The following NOL4 variants were observed in gnomAD, a reference collection of about 807,000 sequenced individuals.
NOL4 encodes the protein nucleolar protein 4.
In NOL4, 17 loss-of-function variants were observed where a neutral mutation model predicts 75.9. The ratio of observed to expected loss-of-function variants is 0.22; its 90% CI spans 0.15 to 0.34. NOL4 has a LOEUF of 0.34. Ranked by LOEUF, NOL4 falls within the 10% of genes least tolerant of loss-of-function variation. The probability of loss-of-function intolerance (pLI) is 1.00; values close to 1 mark genes in which losing one functional copy is unlikely to be tolerated. For synonymous variants in NOL4, 292 were observed against 289.9 expected, an observed-to-expected ratio of 1.01 and a Z score of -0.07; for missense variants, 614 against 793.5, an observed-to-expected ratio of 0.77 and a Z score of 2.72.
intron 6 of NOL4, among the ~76,000 whole-genome samples, chr18:33,959,387 G>C (rs1489416842): frequency 6.6e-6 from 1 of 151,924 alleles, no homozygotes; most frequent in Admixed American, 6.6e-5. Context: ...GGACCCTCTA[G>C]GATTATTCCA....
chr18:34,219,588 A>G (rs1036078142), intron 1 of NOL4, among the ~76,000 whole-genome samples: 4 of 152,264 alleles, frequency 2.6e-5, no homozygotes, highest in Non-Finnish European at 5.9e-5. Flanking sequence ...AAACAGAGTT[A>G]CCATAGTTAA....
At chr18:34,201,326 A>T (rs1251378588) in intron 1 of NOL4, among the ~76,000 whole-genome samples, 1 of 151,820 alleles carries the variant, frequency 6.6e-6, no homozygotes, top group Non-Finnish European at 1.5e-5. Context: ...AGATAATCTG[A>T]GGCACAGAGA....
In NOL4 at chr18:34,109,291, A is replaced by T. The variant is rs74935175; in HGVS notation, c.415-4131T>A. On this transcript the variant is annotated intron_variant, in intron 2 of 10. Coordinates refer to ENST00000261592, the MANE Select transcript of NOL4 (RefSeq NM_003787.5). ...CTTGGGTAGCTGAAAAGGAAGGATC[A>T]TTTGAGGCTAGGAGTTTGAAACAAG... 3.6e-4 allele frequency among the ~76,000 whole-genome samples: 55 copies of T among 152,234 alleles called. No homozygotes were observed. The East Asian group carries it at 0.01, about 28-fold the overall frequency.
chr18:34,114,926 TCA>T (rs2079779195), intron 2 of NOL4, among the ~76,000 whole-genome samples: 1 of 152,082 alleles, frequency 6.6e-6, no homozygotes, highest in African/African-American at 2.4e-5. Flanking sequence ...ACAGAAAAAT[TCA>T]GTGTTTGTTA....
At chr18:33,913,706 A>G (rs1183342954) in intron 9 of NOL4, among the ~76,000 whole-genome samples, 1 of 152,118 alleles carries the variant, frequency 6.6e-6, no homozygotes, top group African/African-American at 2.4e-5. Flanking sequence ...CTGAAATCTA[A>G]ACCTGTGAAC....
At chr18:34,095,980 G>GTA in intron 4 of NOL4, among the ~76,000 whole-genome samples, 1 of 152,004 alleles carries the variant, frequency 6.6e-6, no homozygotes, top group Middle Eastern at 3.4e-3. Context: ...GTATGTGTGT[G>GTA]TGTATTTATG....
At chr18:34,042,893 C>A (rs1355049311) in intron 5 of NOL4, among the ~76,000 whole-genome samples, 2 of 152,070 alleles carry the variant, frequency 1.3e-5, no homozygotes, top group African/African-American at 4.8e-5. Flanking sequence ...GAGGTTAAGA[C>A]CATGAGCTTG....
intron 4 of NOL4, among the ~76,000 whole-genome samples, chr18:34,100,781 T>TTG (rs1293243532): frequency 6.6e-6 from 1 of 152,180 alleles, no homozygotes; most frequent in Non-Finnish European, 1.5e-5. Flanking sequence ...CCGATGATGC[T>TTG]TGGCCTTATG....
At chr18:34,094,009 T>C (rs2078649637) in intron 4 of NOL4, among the ~76,000 whole-genome samples, 1 of 152,012 alleles carries the variant, frequency 6.6e-6, no homozygotes, top group Admixed American at 6.6e-5. Flanking sequence ...GCCACTGCAC[T>C]CCAGCCTGGG....
chr18:34,113,210 C>T (rs1165863648), intron 2 of NOL4, among the ~76,000 whole-genome samples: 3 of 152,132 alleles, frequency 2.0e-5, no homozygotes, highest in African/African-American at 7.2e-5. Context: ...GAACTCCTAG[C>T]CTCCAGCAAT....
intron 5 of NOL4, among the ~76,000 whole-genome samples, chr18:34,048,965 A>T (rs1331493052): frequency 6.6e-6 from 1 of 152,040 alleles, no homozygotes; most frequent in East Asian, 1.9e-4. Flanking sequence ...TAGATTTTTT[A>T]AAATGATTAC....
chr18:34,175,259 C>A (rs866659965), intron 1 of NOL4, among the ~76,000 whole-genome samples: 1 of 152,132 alleles, frequency 6.6e-6, no homozygotes, highest in African/African-American at 2.4e-5. Flanking sequence ...GAAGACCCCA[C>A]TTAACAGGCT....
chr18:34,119,377 G>T (rs1285150515), intron 2 of NOL4, among the ~76,000 whole-genome samples: 1 of 152,144 alleles, frequency 6.6e-6, no homozygotes, highest in Non-Finnish European at 1.5e-5. Flanking sequence ...CTCCCTGGTG[G>T]AGGATTCTTA....
chr18:33,874,808 C>T (rs1168053393), intron 10 of NOL4, among the ~76,000 whole-genome samples: 1 of 151,988 alleles, frequency 6.6e-6, no homozygotes, highest in African/African-American at 2.4e-5. Context: ...CACACACAGC[C>T]AGTCACACCA....
At chr18:34,089,695 C>T (rs2078414989) in intron 5 of NOL4, among the ~76,000 whole-genome samples, 2 of 152,124 alleles carry the variant, frequency 1.3e-5, no homozygotes, top group Non-Finnish European at 2.9e-5. Context: ...GTAATTTTGT[C>T]CCACAAGGGA....
intron 1 of NOL4, among the ~76,000 whole-genome samples, chr18:34,189,125 G>A (rs183033603): frequency 6.6e-6 from 1 of 152,196 alleles, no homozygotes. Context: ...GAAAGTCCAA[G>A]ATCAGGTGGC....
At chr18:33,995,595 G>A (rs1197534232) in intron 6 of NOL4, among the ~76,000 whole-genome samples, 1 of 151,564 alleles carries the variant, frequency 6.6e-6, no homozygotes, top group African/African-American at 2.4e-5. Flanking sequence ...GAATCTCAGA[G>A]AAACGTCTAC....
intron 1 of NOL4, among the ~76,000 whole-genome samples, chr18:34,155,709 T>G (rs996250175): frequency 1.1e-4 from 17 of 152,100 alleles, no homozygotes; most frequent in African/African-American, 3.9e-4. Context: ...ACCATCATCA[T>G]ATACACTACT....
At position 34,196,963 on chromosome 18, in the gene NOL4, G is replaced by T. The variant is rs143435060; in HGVS notation, c.264+26027C>A. Among the ~76,000 whole-genome samples the T allele has an allele frequency of 6.7e-3, 1,014 of 152,030 alleles. 19 individuals are homozygous for T. The highest frequency in any genetic ancestry group is 0.023 in the African/African-American group (955 of 41,512). ...TTCCTGTTGATTTTGCCATCTCTTTGATATCAAACAATAGGTATAGTGAAG... is the reference window on the plus strand; with the variant it reads ...TTCCTGTTGATTTTGCCATCTCTTTTATATCAAACAATAGGTATAGTGAAG... On this transcript the variant is annotated intron_variant, in intron 1 of 10. Transcript: ENST00000261592.
Sources: allele counts gnomAD v4.1 joint callset (sites outside exome capture counted in the v4.1 genomes callset), GRCh38; gene constraint gnomAD v4.1.1; transcripts MANE v1.5; gene names NCBI Gene and HGNC (gene_info 2026-07-23, HGNC 2026-07-21).